The following BRD1 variants were observed in gnomAD, a reference collection of about 807,000 sequenced individuals.
BRD1 encodes the protein bromodomain containing 1.
BRD1 carries 24 observed loss-of-function variants against 107.7 expected under a neutral mutation model. The ratio of observed to expected loss-of-function variants is 0.22; its 90% CI spans 0.16 to 0.31. The LOEUF (loss-of-function observed/expected upper bound fraction) is 0.31, where lower values mean the gene tolerates loss of function less well. Ranked by LOEUF, BRD1 falls within the 10% of genes least tolerant of loss-of-function variation. The pLI is 1.00. For synonymous variants in BRD1, 744 were observed against 686.1 expected, an observed-to-expected ratio of 1.08 and a Z score of -1.32; for missense variants, 1,279 against 1,638.6, an observed-to-expected ratio of 0.78 and a Z score of 3.79.
intron 11 of BRD1, 82 bp from the exon 12 acceptor site, chr22:49,775,827 CTCCCCACCCCAGCTGTGTGA>C (rs2059079132): frequency 1.9e-4 from 241 of 1,268,314 alleles, no homozygotes; most frequent in South Asian, 1.5e-3. Context: ...CCCCCCCCGC[CTCCCCACCCCAGCTGTGTGA>C]GCCTCCTCAG....
At chr22:49,814,385 A>G (rs531465018) in intron 2 of BRD1, among the ~76,000 whole-genome samples, 43 of 152,220 alleles carry the variant, frequency 2.8e-4, no homozygotes, top group Non-Finnish European at 5.6e-4. Context: ...CAGGAAACAC[A>G]TGAGACCAGC....
intron 1 of BRD1, among the ~76,000 whole-genome samples, chr22:49,825,006 G>A (rs2060131243): frequency 6.6e-6 from 1 of 152,142 alleles, no homozygotes; most frequent in African/African-American, 2.4e-5. Flanking sequence ...ACTGGTCTGA[G>A]GGGACAGTCT....
intron 8 of BRD1, 91 bp downstream of exon 8, chr22:49,787,299 A>AGC: frequency 5.5e-6 from 3 of 544,640 alleles, no homozygotes; most frequent in Non-Finnish European, 2.9e-6. Context: ...GAAGCTGGAC[A>AGC]CCCCCCCCCC....
intron 8 of BRD1, among the ~76,000 whole-genome samples, chr22:49,786,424 C>A (rs907477198): frequency 5.9e-5 from 9 of 152,204 alleles, no homozygotes; most frequent in African/African-American, 1.4e-4. Context: ...AGCACACACA[C>A]GGCAACACCC....
At chr22:49,804,391 A>G in intron 2 of BRD1, 31 bp from the exon 3 acceptor site, 1 of 1,574,328 alleles carries the variant, frequency 6.4e-7, no homozygotes, top group Non-Finnish European at 8.7e-7. Context: ...GTATCTTTGA[A>G]GCAGTACATT....
chr22:49,784,372 C>T (rs557415380), intron 8 of BRD1, among the ~76,000 whole-genome samples: 11 of 152,232 alleles, frequency 7.2e-5, no homozygotes, highest in South Asian at 2.1e-4. Context: ...CAGGGGTCTC[C>T]GCAACGGCGG....
intron 7 of BRD1, among the ~76,000 whole-genome samples, chr22:49,788,722 A>G (rs1219499024): frequency 6.6e-6 from 1 of 152,208 alleles, no homozygotes; most frequent in Non-Finnish European, 1.5e-5. Context: ...GCGACGCCAC[A>G]ACAAGCCAAG....
chr22:49,808,378 T>C (rs1480883394), intron 2 of BRD1, among the ~76,000 whole-genome samples: 1 of 152,188 alleles, frequency 6.6e-6, no homozygotes, highest in South Asian at 2.1e-4. Context: ...TGCAATGACA[T>C]GGAAAAGCCT....
chr22:49,799,042 G>A lies in BRD1; in HGVS notation c.1602C>T (p.Arg534=), dbSNP rs754058315. The change falls in exon 4 of 13, where the codon CGC becomes CGT. Residue 534 remains arginine, a synonymous_variant. Transcript: ENST00000404760. The part of the protein sequence containing the change: ...YWQRLRHDLE[R]ARLLIELLRK... ...GCAGCAGCTCGATCAGCAGGCGAGC[G>A]CGCTCCAGGTCGTGCCGCAGCCGCT... 2.5e-5 allele frequency: 40 copies of A among 1,611,262 alleles called. No individual in the cohort carries two copies. The highest frequency in any genetic ancestry group is 3.3e-5 in the Admixed American group (2 of 60,004).
chr22:49,782,940 GC>G (rs1346071827), intron 8 of BRD1, among the ~76,000 whole-genome samples: 1 of 125,484 alleles, frequency 8.0e-6, no homozygotes, highest in African/African-American at 3.1e-5. Context: ...CTGTGACAAT[GC>G]CGCTGGGGAC....
At chr22:49,777,191 C>T (rs781079239) in intron 9 of BRD1, 30 bp from the exon 10 acceptor site, 142 of 1,607,134 alleles carry the variant, frequency 8.8e-5, no homozygotes, top group Non-Finnish European at 1.1e-4. Context: ...GGGAGTCAGG[C>T]GCCCCGCCCC....
chr22:49,809,307 C>T (rs1301588266), intron 2 of BRD1, among the ~76,000 whole-genome samples: 2 of 151,766 alleles, frequency 1.3e-5, no homozygotes, highest in Admixed American at 1.3e-4. Flanking sequence ...TTTGGGAGGC[C>T]GAAGCAGGTG....
rs779390099 is a variant in BRD1, at chr22:49,823,509, T to A, written c.809A>T (p.Asp270Val). The change falls in exon 2 of 13, where the codon GAC becomes GTC. Residue 270 changes from aspartate to valine, a missense_variant. Asp to Val is a radical substitution (Grantham distance 152). Coordinates refer to ENST00000404760, the MANE Select transcript of BRD1 (RefSeq NM_001304808.3). The stretch of plus-strand genomic sequence containing the variant: ...ACCCTTGTTGGGGCACAGCACACAG[T>A]CGGCGGGCCGGGCCCGCGACTGCAG... ...HCLQSRARPADCVLCPNKGGA... is the reference protein window; with the variant it reads ...HCLQSRARPAVCVLCPNKGGA... The A allele has an allele frequency of 3.7e-6, 6 of 1,602,972 alleles. No individual in the cohort carries two copies.
intron 2 of BRD1, among the ~76,000 whole-genome samples, chr22:49,810,068 C>T (rs2059820927): frequency 6.6e-6 from 1 of 152,098 alleles, no homozygotes; most frequent in Non-Finnish European, 1.5e-5. Flanking sequence ...ATGCAGGTCA[C>T]GTCCTTTGCC....
intron 8 of BRD1, among the ~76,000 whole-genome samples, chr22:49,784,983 C>T (rs1309256498): frequency 6.6e-6 from 1 of 152,236 alleles, no homozygotes; most frequent in East Asian, 1.9e-4. Context: ...ATCTCCACTT[C>T]AGTCAGGATC....
chr22:49,786,322 C>T (rs753161105), intron 8 of BRD1, among the ~76,000 whole-genome samples: 9 of 152,178 alleles, frequency 5.9e-5, no homozygotes, highest in Non-Finnish European at 1.2e-4. Flanking sequence ...GACAGCTGCT[C>T]CTCTTTAAAG....
chr22:49,786,298 A>G (rs2059322899), intron 8 of BRD1, among the ~76,000 whole-genome samples: 1 of 152,232 alleles, frequency 6.6e-6, no homozygotes, highest in Non-Finnish European at 1.5e-5. Flanking sequence ...CCAGTACCGA[A>G]GAAGCAAACC....
At chr22:49,800,828 T>C (rs2059627185) in intron 3 of BRD1, among the ~76,000 whole-genome samples, 1 of 152,166 alleles carries the variant, frequency 6.6e-6, no homozygotes, top group South Asian at 2.1e-4. Flanking sequence ...CACTCAGGCA[T>C]CCCCACTGCC....
intron 12 of BRD1, among the ~76,000 whole-genome samples, chr22:49,774,911 C>A (rs1293231088): frequency 6.6e-6 from 1 of 152,228 alleles, no homozygotes; most frequent in Non-Finnish European, 1.5e-5. Context: ...CCAGGCACAC[C>A]ATAGGCAGGT....
Sources: gnomAD v4.1 joint callset for allele counts (sites outside exome capture counted in the v4.1 genomes callset) on GRCh38, gnomAD v4.1.1 for gene constraint, MANE v1.5 for transcripts, NCBI Gene and HGNC (gene_info 2026-07-23, HGNC 2026-07-21) for gene names.